GSE1: variants seen among roughly 807,000 people sequenced by gnomAD.
GSE1 encodes the protein genetic suppressor element 1.
A neutral mutation model predicts 112.6 loss-of-function variants in GSE1; 32 were observed. That is an observed-to-expected ratio of 0.28 (90% CI 0.21 to 0.38). GSE1 has a LOEUF of 0.38. GSE1 is among the 10% of genes least tolerant of loss of function. GSE1 has a pLI of 1.00. For synonymous variants in GSE1, 1,115 were observed against 735.6 expected (o/e 1.52, Z -8.35); for missense variants, 2,348 against 1,699.2 (o/e 1.38, Z -6.71).
rs376778699 is a variant in GSE1 at position 85,648,745 on chromosome 16, C to T, written c.420C>T (p.Ser140=). 12 of 1,579,142 alleles carry T rather than the reference C, an allele frequency of 7.6e-6. No homozygotes were observed. The highest frequency in any genetic ancestry group is 7.7e-6 in the Non-Finnish European group (9 of 1,163,194). ...TGAATGGTGTCTGGAGGAGTGAGAG[C>T]CGGCAGGTGAGTGGGGCGGGGCAGG... The part of the protein sequence containing the change: ...KTVNGVWRSE[S]RQDAGSRSSS... Residue 140 remains serine, a synonymous_variant, in exon 3 of 16, where the codon AGC becomes AGT. Coordinates refer to ENST00000253458, the MANE Select transcript of GSE1 (RefSeq NM_014615.5).
At chr16:85,229,225 G>A (rs1379569476) in intron 1 of GSE1, among the ~76,000 whole-genome samples, 1 of 152,258 alleles carries the variant, frequency 6.6e-6, no homozygotes, top group Non-Finnish European at 1.5e-5. Context: ...GGGCGGGTAG[G>A]GGGGTGGCAG....
intron 2 of GSE1, among the ~76,000 whole-genome samples, chr16:85,647,163 G>A (rs1435877811): frequency 6.6e-6 from 1 of 152,204 alleles, no homozygotes; most frequent in African/African-American, 2.4e-5. Context: ...GATGGGCCGG[G>A]GCGGCCCTGC....
chr16:85,258,382 A>T lies in GSE1; in HGVS notation c.2283+86575A>T, dbSNP rs564604452. 1.1e-4 allele frequency among the ~76,000 whole-genome samples: 16 copies of T among 152,306 alleles called. 1 individual carries two copies. In the South Asian group the frequency reaches 2.9e-3, roughly 28 times the overall value. Reference sequence around the variant, plus strand: ...GGACTCCCTTCCTGAGCCACAGTGAAAGGATGTTGAGACGAGGCCCACTGA... The same window carrying T: ...GGACTCCCTTCCTGAGCCACAGTGATAGGATGTTGAGACGAGGCCCACTGA... On this transcript the variant is annotated intron_variant, in intron 1 of 2. Coordinates refer to the GSE1 transcript ENST00000637419.
chr16:85,496,503 C>T lies in GSE1; in HGVS notation c.2465-137411C>T, dbSNP rs375131840. On this transcript the variant is annotated intron_variant, in intron 2 of 2. Transcript: ENST00000637419. ...TGGCGAGGCGGGCAGCCCGGGTGGC[C>T]TCGGTGCGGCGTGTCTGCGGAGTGG... Among the ~76,000 whole-genome samples, 31 of 152,330 alleles carry T rather than the reference C, an allele frequency of 2.0e-4. No individual in the cohort carries two copies. The South Asian group carries it at 2.5e-3, about 12-fold the overall frequency.
chr16:85,261,936 C>T (rs578174145), intron 1 of GSE1, among the ~76,000 whole-genome samples: 173 of 152,258 alleles, frequency 1.1e-3, no homozygotes, highest in African/African-American at 4.0e-3. Flanking sequence ...TGTGTATTTT[C>T]TCATAGGCTC....
chr16:85,578,861 A>T (rs1412085303), intron 1 of GSE1, among the ~76,000 whole-genome samples: 3 of 146,900 alleles, frequency 2.0e-5, no homozygotes, highest in Non-Finnish European at 3.0e-5. Flanking sequence ...CATCCTGCAC[A>T]CCTGATGTGC....
intron 2 of GSE1, among the ~76,000 whole-genome samples, chr16:85,416,614 G>C (rs1348225968): frequency 2.0e-5 from 3 of 152,236 alleles, no homozygotes; most frequent in Non-Finnish European, 2.9e-5. Context: ...ATCACATCCT[G>C]TACATTTCAG....
upstream of GSE1, among the ~76,000 whole-genome samples, chr16:85,553,573 C>CA (rs969100813): frequency 6.6e-6 from 1 of 152,046 alleles, no homozygotes; most frequent in Non-Finnish European, 1.5e-5. Flanking sequence ...CTTGGGGACT[C>CA]AAAGACGCTC....
At chr16:85,606,872 C>T (rs1464717903), upstream of GSE1, among the ~76,000 whole-genome samples, 2 of 152,252 alleles carry the variant, frequency 1.3e-5, no homozygotes, top group Non-Finnish European at 2.9e-5. Flanking sequence ...CTCTGCCCCC[C>T]ATCAAGGGTC....
intron 1 of GSE1, among the ~76,000 whole-genome samples, chr16:85,219,234 G>A (rs567665167): frequency 2.0e-5 from 3 of 151,908 alleles, no homozygotes; most frequent in South Asian, 2.1e-4. Flanking sequence ...GGCTGGTCTC[G>A]AACTCCTGAC....
At chr16:85,641,179 C>T (rs1380781584) in intron 2 of GSE1, among the ~76,000 whole-genome samples, 1 of 152,270 alleles carries the variant, frequency 6.6e-6, no homozygotes, top group Non-Finnish European at 1.5e-5. Flanking sequence ...CCCGTTTCTT[C>T]TTCCTCGTCC....
chr16:85,514,777 G>A (rs1598023715), intron 2 of GSE1, among the ~76,000 whole-genome samples: 1 of 152,220 alleles, frequency 6.6e-6, no homozygotes, highest in Admixed American at 6.5e-5. Flanking sequence ...GTTGGTCAGG[G>A]CCTTGGCAGG....
chr16:85,485,059 G>A (rs554876904), intron 2 of GSE1, among the ~76,000 whole-genome samples: 3 of 152,366 alleles, frequency 2.0e-5, no homozygotes, highest in African/African-American at 4.8e-5. Context: ...CAGGCTACCC[G>A]TTGTCCAGAT....
intron 1 of GSE1, among the ~76,000 whole-genome samples, chr16:85,239,809 C>T (rs1362812198): frequency 1.3e-5 from 2 of 152,248 alleles, no homozygotes; most frequent in Non-Finnish European, 2.9e-5. Context: ...TCTTGATCAC[C>T]CCAGTTCTGG....
chr16:85,340,620 G>A (rs375023491), intron 1 of GSE1, among the ~76,000 whole-genome samples: 36 of 152,310 alleles, frequency 2.4e-4, no homozygotes, highest in Admixed American at 7.2e-4. Flanking sequence ...CAGCCTGGGC[G>A]ACAGAGCAAG....
At chr16:85,629,263 C>T (rs1055877484) in intron 1 of GSE1, among the ~76,000 whole-genome samples, 63 of 152,218 alleles carry the variant, frequency 4.1e-4, no homozygotes, top group African/African-American at 1.5e-3. Context: ...CACAGACAGC[C>T]TAGTTCAGCC....
intron 1 of GSE1, among the ~76,000 whole-genome samples, chr16:85,618,296 CG>C (rs750068799): frequency 5.3e-5 from 8 of 152,096 alleles, no homozygotes; most frequent in Non-Finnish European, 1.2e-4. Flanking sequence ...ATCTGTAAGA[CG>C]AGGATGCAGA....
intron 1 of GSE1, among the ~76,000 whole-genome samples, chr16:85,269,403 G>A (rs1009693341): frequency 2.7e-5 from 4 of 149,200 alleles, no homozygotes; most frequent in Admixed American, 2.7e-4. Flanking sequence ...CTGCGTCAGC[G>A]CAGGGTGGGA....
intron 1 of GSE1, among the ~76,000 whole-genome samples, chr16:85,200,758 A>G (rs908802033): frequency 4.6e-5 from 7 of 152,208 alleles, no homozygotes; most frequent in Non-Finnish European, 8.8e-5. Flanking sequence ...GAAATGGACT[A>G]TTTCAGCTAT....
Sources: allele counts gnomAD v4.1 joint callset (sites outside exome capture counted in the v4.1 genomes callset), GRCh38; gene constraint gnomAD v4.1.1; transcripts MANE v1.5; gene names NCBI Gene and HGNC (gene_info 2026-07-23, HGNC 2026-07-21).